The following ENO4 variants were observed in gnomAD, a reference collection of about 807,000 sequenced individuals.
ENO4 encodes the protein 2-phospho-D-glycerate hydro-lyase.
ENO4 carries 53 observed loss-of-function variants against 63.2 expected under a neutral mutation model. The ratio of observed to expected loss-of-function variants is 0.84; its 90% CI spans 0.67 to 1.05. ENO4 has a LOEUF of 1.05. Among genes scored for constraint, ENO4 ranks in the 50% least tolerant of loss-of-function variants. The pLI is 0.00. For missense variants in ENO4, 719 were observed against 772.0 expected, an observed-to-expected ratio of 0.93 and a Z score of 0.81; for synonymous variants, 266 against 283.8, an observed-to-expected ratio of 0.94 and a Z score of 0.63.
At chr10:116,894,234 A>G (rs1381103050) in intron 10 of ENO4, among the ~76,000 whole-genome samples, 1 of 152,234 alleles carries the variant, frequency 6.6e-6, no homozygotes, top group Non-Finnish European at 1.5e-5. Flanking sequence ...CAAAAGTCAC[A>G]TGTATTTAGA....
chr10:116,902,123 G>A (rs549305329), intron 10 of ENO4, among the ~76,000 whole-genome samples: 3 of 152,242 alleles, frequency 2.0e-5, no homozygotes, highest in Non-Finnish European at 2.9e-5. Context: ...CTCTGCTTTC[G>A]TGGTACTACT....
chr10:116,894,537 G>C (rs766790820), intron 10 of ENO4, among the ~76,000 whole-genome samples: 2 of 152,172 alleles, frequency 1.3e-5, no homozygotes, highest in Non-Finnish European at 2.9e-5. Context: ...AGAATCTCTG[G>C]CAATTAATTG....
exon 11 of ENO4, chr10:116,911,679 A>G: frequency 1.3e-6 from 2 of 1,578,500 alleles, no homozygotes; most frequent in Non-Finnish European, 8.7e-7. Context: ...AGATGAGGCT[A>G]ATTGTAAATG....
chr10:116,911,496 C>T (rs1464874232), intron 10 of ENO4: 1 of 1,550,420 alleles, frequency 6.4e-7, no homozygotes, highest in Admixed American at 2.0e-5. Context: ...TACATATGGC[C>T]AGCCACTTCA....
intron 10 of ENO4, among the ~76,000 whole-genome samples, chr10:116,898,890 T>C (rs924067709): frequency 1.3e-5 from 2 of 152,228 alleles, no homozygotes; most frequent in Non-Finnish European, 2.9e-5. Flanking sequence ...AGTATATCTT[T>C]GACTTTATAA....
downstream of ENO4, chr10:116,884,047 G>T: frequency 6.5e-6 from 2 of 305,914 alleles, no homozygotes; most frequent in South Asian, 2.7e-5. Flanking sequence ...CCTCTATAGC[G>T]CACAAGACTT....
chr10:116,906,722 G>C, intron 10 of ENO4: 1 of 1,612,444 alleles, frequency 6.2e-7, no homozygotes, highest in Non-Finnish European at 8.5e-7. Flanking sequence ...TAAGCTTCTT[G>C]AACTAGTGGA....
chr10:116,909,776 A>G lies in ENO4; in HGVS notation c.1195-1723A>G, dbSNP rs372681069. 4.2e-4 allele frequency among the ~76,000 whole-genome samples: 64 copies of G among 152,278 alleles called. No homozygotes were observed. In the South Asian group the frequency reaches 0.013, roughly 31 times the overall value. ...GGCTAACTTAGCAGAAGGCCAAATC[A>G]CTAAGTCTTACAACTTGGGTCACAT... On this transcript the variant is annotated intron_variant, in intron 10 of 10. Transcript: ENST00000369207.
At chr10:116,911,894 A>G, downstream of ENO4, 1 of 1,309,504 alleles carries the variant, frequency 7.6e-7, no homozygotes, top group Non-Finnish European at 1.1e-6. Flanking sequence ...GTTTAAAAAT[A>G]CTAAACAATG....
At chr10:116,885,226 C>A (rs1037848774), downstream of ENO4, 3 of 152,598 alleles carry the variant, frequency 2.0e-5, no homozygotes, top group Non-Finnish European at 4.4e-5. Context: ...CAAAACTAAA[C>A]CTTTCACTTT....
intron 1 of ENO4, among the ~76,000 whole-genome samples, chr10:116,850,867 G>A (rs528923545): frequency 6.6e-6 from 1 of 152,194 alleles, no homozygotes; most frequent in Admixed American, 6.5e-5. Flanking sequence ...AGGACATAGT[G>A]ACAGAAGAAA....
downstream of ENO4, chr10:116,886,467 T>G (rs984007640): frequency 1.2e-6 from 2 of 1,613,928 alleles, no homozygotes; most frequent in Admixed American, 1.7e-5. Flanking sequence ...GGTCTTTGGT[T>G]TGGGGTTCAT....
At chr10:116,865,971 G>A (rs1378666252) in intron 7 of ENO4, among the ~76,000 whole-genome samples, 1 of 152,086 alleles carries the variant, frequency 6.6e-6, no homozygotes, top group Middle Eastern at 3.2e-3. Flanking sequence ...TAACTGTATA[G>A]GTAGGTACTA....
chr10:116,879,768 A>T (rs551846161), intron 12 of ENO4, 101 bp from the exon 13 acceptor site: 1 of 924,972 alleles, frequency 1.1e-6, no homozygotes, highest in Non-Finnish European at 1.6e-6. Context: ...AGAAAATCCC[A>T]AACAGCACAC....
chr10:116,861,003 A>G (rs1028445441), intron 5 of ENO4, 40 bp downstream of exon 5: 25 of 1,524,792 alleles, frequency 1.6e-5, no homozygotes, highest in African/African-American at 2.8e-5. Context: ...AGCCATGAGT[A>G]TCTCAATATG....
chr10:116,870,966 A>T (rs1846676717), intron 8 of ENO4, among the ~76,000 whole-genome samples, 159 bp from the exon 9 acceptor site: 1 of 152,212 alleles, frequency 6.6e-6, no homozygotes, highest in Non-Finnish European at 1.5e-5. Context: ...CAGGGGAATC[A>T]TATGCCCTAA....
At position 116,857,722 on chromosome 10, in the gene ENO4, TC is replaced by T. The variant is rs1355916532; in HGVS notation, c.485+1042del. 9.2e-5 allele frequency among the ~76,000 whole-genome samples: 14 copies of T among 151,606 alleles called. No homozygotes were observed. In the East Asian group the frequency reaches 2.5e-3, roughly 27 times the overall value. ...GGCATGATCTCGGCTCACCACAATCTCCACCTCCCAGGTTCAAGCGATTCTC... is the reference window on the plus strand; with the variant it reads ...GGCATGATCTCGGCTCACCACAATCTCACCTCCCAGGTTCAAGCGATTCTC... On this transcript the variant is annotated intron_variant, in intron 3 of 13. Transcript: ENST00000341276.
At chr10:116,851,741 G>A (rs974836886) in intron 1 of ENO4, among the ~76,000 whole-genome samples, 22 of 151,948 alleles carry the variant, frequency 1.4e-4, no homozygotes, top group Admixed American at 6.6e-5. Context: ...GGTAACAGGC[G>A]CATCTCCCAC....
intron 10 of ENO4, among the ~76,000 whole-genome samples, chr10:116,893,989 T>G (rs1847429387): frequency 6.6e-6 from 1 of 152,214 alleles, no homozygotes; most frequent in African/African-American, 2.4e-5. Context: ...TCTACATTAG[T>G]TTCACATCAG....
Sources: gnomAD v4.1 joint callset for allele counts (sites outside exome capture counted in the v4.1 genomes callset) on GRCh38, gnomAD v4.1.1 for gene constraint, MANE v1.5 for transcripts, NCBI Gene and HGNC (gene_info 2026-07-23, HGNC 2026-07-21) for gene names.